Variants in PCDHA1 observed in about 807,000 individuals in gnomAD.
PCDHA1 encodes the protein protocadherin alpha 1, also known as protocadherin alpha-1.
Under a neutral mutation model 61.3 loss-of-function variants are expected in PCDHA1, and 42 were observed. The observed-to-expected ratio is 0.69, with a 90% confidence interval of 0.54 to 0.89. The LOEUF (loss-of-function observed/expected upper bound fraction) is 0.89, where lower values mean the gene tolerates loss of function less well. Among genes scored for constraint, PCDHA1 ranks in the 40% least tolerant of loss-of-function variants. PCDHA1 has a pLI of 0.00. For missense variants in PCDHA1, 1,256 were observed against 1,235.3 expected (o/e 1.02, Z -0.25); for synonymous variants, 610 against 553.8 (o/e 1.10, Z -1.43).
intron 1 of PCDHA1, chr5:140,928,585 G>C: frequency 2.5e-6 from 4 of 1,614,194 alleles, no homozygotes; most frequent in Non-Finnish European, 3.4e-6. Flanking sequence ...AAATGGTTCT[G>C]TCCCAGTGGA....
chr5:140,936,272 C>T lies in PCDHA1; in HGVS notation c.2395-42677C>T, dbSNP rs1303356923. 2.0e-5 allele frequency among the ~76,000 whole-genome samples: 3 copies of T among 152,254 alleles called. No individual in the cohort carries two copies. In the East Asian group the frequency reaches 5.8e-4, roughly 29 times the overall value. On this transcript the variant is annotated intron_variant, in intron 1 of 3. Transcript: ENST00000504120. Reference sequence around the variant, plus strand: ...TGCTTCAAGTCATGAAGATATATTCCTGTGTTTTCTTCTATAACATTGCTA... The same window carrying T: ...TGCTTCAAGTCATGAAGATATATTCTTGTGTTTTCTTCTATAACATTGCTA...
chr5:140,969,129 C>G (rs576180714), intron 1 of PCDHA1: 4 of 1,614,144 alleles, frequency 2.5e-6, no homozygotes, highest in Admixed American at 1.7e-5. Context: ...GGCTCCCTCA[C>G]CAAGACCTAC....
intron 1 of PCDHA1, chr5:140,969,571 G>A: frequency 9.5e-7 from 1 of 1,050,970 alleles, no homozygotes; most frequent in Non-Finnish European, 1.3e-6. Context: ...AATTGTTTGA[G>A]AAGTGAGGAT....
rs73793515 is a variant in PCDHA1 at position 140,889,833 on chromosome 5, T to C, written c.2395-89116T>C. ...TCAGGTCATAAGAAGTCTTACAGTA[T>C]GCTTTGGTCTCTGAGAATATTTGTT... On this transcript the variant is annotated intron_variant, in intron 1 of 3. Coordinates refer to ENST00000504120, the MANE Select transcript of PCDHA1 (RefSeq NM_018900.4). Among the ~76,000 whole-genome samples, 1,245 of 152,254 alleles carry C rather than the reference T, an allele frequency of 8.2e-3. 11 individuals are homozygous for C. The highest frequency in any genetic ancestry group is 0.029 in the African/African-American group (1,203 of 41,548).
intron 1 of PCDHA1, among the ~76,000 whole-genome samples, chr5:140,871,878 C>T (rs1390055446): frequency 6.6e-6 from 1 of 152,222 alleles, no homozygotes; most frequent in Non-Finnish European, 1.5e-5. Context: ...TTTAAATTTG[C>T]TCCTCTTTGT....
At chr5:140,994,125 C>T (rs1007264886) in intron 3 of PCDHA1, among the ~76,000 whole-genome samples, 6 of 152,044 alleles carry the variant, frequency 3.9e-5, no homozygotes, top group African/African-American at 9.7e-5. Flanking sequence ...GTGATAAGGG[C>T]GACAATAATG....
intron 1 of PCDHA1, chr5:140,795,194 T>G (rs1761929673): frequency 6.2e-7 from 1 of 1,614,044 alleles, no homozygotes; most frequent in Non-Finnish European, 8.5e-7. Flanking sequence ...CTTCTGGAGG[T>G]AAATCTGCAG....
chr5:140,999,987 G>T (rs1033618024), intron 3 of PCDHA1, among the ~76,000 whole-genome samples: 6 of 152,042 alleles, frequency 3.9e-5, no homozygotes, highest in Non-Finnish European at 7.4e-5. Context: ...CGGCCTCTGG[G>T]TAGTGGTATT....
chr5:140,929,166 C>T (rs782695019), intron 1 of PCDHA1: 1 of 1,614,146 alleles, frequency 6.2e-7, no homozygotes, highest in Non-Finnish European at 8.5e-7. Context: ...TCTATCGGGC[C>T]TCTCTGGGAC....
intron 1 of PCDHA1, chr5:140,842,724 A>G (rs2150343018): frequency 6.3e-7 from 1 of 1,594,394 alleles, no homozygotes; most frequent in Admixed American, 1.7e-5. Flanking sequence ...AAGGAGAACA[A>G]CCCGCCGGGC....
At position 140,795,982 on chromosome 5, in the gene PCDHA1, C is replaced by T. The variant is rs782060780; in HGVS notation, c.2394+7298C>T. On this transcript the variant is annotated intron_variant, in intron 1 of 3. Coordinates refer to ENST00000504120, the MANE Select transcript of PCDHA1 (RefSeq NM_018900.4). Reference sequence around the variant, plus strand: ...AGGACATTGTAAAATTTCATTAAAACTTGTGGACATCAATGATAACACACC... The same window carrying T: ...AGGACATTGTAAAATTTCATTAAAATTTGTGGACATCAATGATAACACACC... 8.7e-6 allele frequency: 14 copies of T among 1,614,012 alleles called. 1 individual carries two copies. Among genetic ancestry groups the T allele is most frequent in the Non-Finnish European group, 1.7e-6 (2 of 1,180,022 alleles).
Position 140,787,585 on chromosome 5 carries a change from C to G in PCDHA1, c.1295C>G (p.Ser432Trp). The G allele has an allele frequency of 6.2e-7, 1 of 1,613,992 alleles. No homozygotes were observed. The highest frequency in any genetic ancestry group is 8.5e-7 in the Non-Finnish European group (1 of 1,180,012). Residue 432 changes from serine (S) to tryptophan (W), a missense_variant, in exon 1 of 4, where the codon TCG (serine) becomes TGG (tryptophan). Transcript: ENST00000504120. The stretch of plus-strand genomic sequence containing the variant: ...GTGGTGACCGCGCGGGACGGGGGCT[C>G]GCCTTCGCTGTGGGCCACGGCCAGG... The part of the protein sequence containing the change: ...ELVVTARDGG[S>W]PSLWATARVS...
chr5:140,983,221 A>G (rs1178098444), intron 3 of PCDHA1, among the ~76,000 whole-genome samples: 1 of 152,196 alleles, frequency 6.6e-6, no homozygotes, highest in Non-Finnish European at 1.5e-5. Context: ...TCCTAATCCA[A>G]ACTTTCAGGA....
chr5:140,845,255 G>A (rs1205445149), intron 1 of PCDHA1, among the ~76,000 whole-genome samples: 3 of 149,266 alleles, frequency 2.0e-5, no homozygotes, highest in Non-Finnish European at 4.5e-5. Context: ...TGAATAATAT[G>A]TGTTTTCCTT....
At chr5:140,801,293 C>T (rs1762674825) in intron 1 of PCDHA1, 1 of 1,613,524 alleles carries the variant, frequency 6.2e-7, no homozygotes, top group Non-Finnish European at 8.5e-7. Context: ...GCCAGCTCCA[C>T]TACTCCGTCT....
rs144129472 is a variant in PCDHA1, at chr5:140,829,658, C to T, written c.2394+40974C>T. ...CGGCAAGGTGTACGCGCTGCAGCCG[C>T]TGGACCACGAGGAGCTAGAGCTGCT... On this transcript the variant is annotated intron_variant, in intron 1 of 3. Transcript: ENST00000504120. 146 of 1,612,562 alleles carry T rather than the reference C, an allele frequency of 9.1e-5. 1 individual carries two copies. The African/African-American group carries it at 1.1e-3, about 12-fold the overall frequency.
At chr5:140,894,717 A>G (rs1349709964) in intron 1 of PCDHA1, among the ~76,000 whole-genome samples, 1 of 151,920 alleles carries the variant, frequency 6.6e-6, no homozygotes, top group Non-Finnish European at 1.5e-5. Flanking sequence ...GTTGTTTTCA[A>G]ATATTACGTA....
chr5:140,952,418 A>G (rs1563257684), intron 1 of PCDHA1, among the ~76,000 whole-genome samples: 1 of 152,090 alleles, frequency 6.6e-6, no homozygotes, highest in South Asian at 2.1e-4. Context: ...AATGTTCCGC[A>G]GATTCCTACA....
chr5:140,988,864 C>T (rs1017144453), intron 3 of PCDHA1: 2 of 152,190 alleles, frequency 1.3e-5, no homozygotes, highest in Non-Finnish European at 2.9e-5. Flanking sequence ...GTCTCATGTG[C>T]ACTCAGATGT....
Sources: gnomAD v4.1 joint callset for allele counts (sites outside exome capture counted in the v4.1 genomes callset) on GRCh38, gnomAD v4.1.1 for gene constraint, MANE v1.5 for transcripts, NCBI Gene and HGNC (gene_info 2026-07-23, HGNC 2026-07-21) for gene names.